The following MYO5B variants were observed in gnomAD, a reference collection of about 807,000 sequenced individuals.
MYO5B encodes myosin VB.
Under a neutral mutation model 229.3 loss-of-function variants are expected in MYO5B, and 143 were observed. That is an observed-to-expected ratio of 0.62 (90% CI 0.54 to 0.72). MYO5B has a LOEUF of 0.72. Among genes scored for constraint, MYO5B ranks in the 30% least tolerant of loss-of-function variants. The pLI, the probability that MYO5B is intolerant of heterozygous loss-of-function variation, is 0.00. For missense variants in MYO5B, 2,321 were observed against 2,331.0 expected, an observed-to-expected ratio of 1.00 and a Z score of 0.09; for synonymous variants, 918 against 885.2, an observed-to-expected ratio of 1.04 and a Z score of -0.66.
At chr18:50,036,164 A>T (rs1428399281) in intron 4 of MYO5B, among the ~76,000 whole-genome samples, 1 of 152,244 alleles carries the variant, frequency 6.6e-6, no homozygotes, top group Non-Finnish European at 1.5e-5. Context: ...GCATTTTAGC[A>T]TTAACTGAGA....
intron 9 of MYO5B, 52 bp from the exon 10 acceptor site, chr18:49,974,667 C>T (rs111873307): frequency 2.6e-5 from 41 of 1,585,436 alleles, no homozygotes; most frequent in Non-Finnish European, 3.5e-5. Flanking sequence ...GACAAGCCGC[C>T]CCCCACCAAT....
rs749099123 is a variant in MYO5B at position 49,856,848 on chromosome 18, G to A, written c.3987C>T (p.Leu1329=). 5 of 1,614,220 alleles carry A rather than the reference G, an allele frequency of 3.1e-6. No homozygotes were observed. Among genetic ancestry groups the A allele is most frequent in the African/African-American group, 2.7e-5 (2 of 75,068 alleles). ...GCTTTAGGCCTTGGTAGGCCAAGCC[G>A]AGTTCTCCATCTTCATTTAAATATC... ...DWGYLNEDGE[L]GLAYQGLKQV... Residue 1329 remains leucine (L), a synonymous_variant, in exon 30 of 40, where the codon CTC becomes CTT. Coordinates refer to ENST00000285039, the MANE Select transcript of MYO5B (RefSeq NM_001080467.3).
At position 49,859,833 on chromosome 18, in the gene MYO5B, C is replaced by T. The variant is rs114038983; in HGVS notation, c.3945-2943G>A. Among the ~76,000 whole-genome samples, 1,088 of 152,286 alleles carry T rather than the reference C, an allele frequency of 7.1e-3. 16 individuals are homozygous for T. The highest frequency in any genetic ancestry group is 0.024 in the African/African-American group (995 of 41,548). The stretch of plus-strand genomic sequence containing the variant: ...GCTGGGCAGAAGCTAGCTCTTCCCG[C>T]CTTCTTTGCCATTCTGAGCAAGGCA... On this transcript the variant is annotated intron_variant, in intron 29 of 39. Transcript: ENST00000285039.
chr18:50,124,232 T>G (rs1030779219), intron 1 of MYO5B, among the ~76,000 whole-genome samples: 2 of 152,370 alleles, frequency 1.3e-5, no homozygotes, highest in South Asian at 2.1e-4. Context: ...TTCTGGTAAC[T>G]GAACATTTTA....
intron 9 of MYO5B, among the ~76,000 whole-genome samples, chr18:49,978,292 T>C (rs905135426): frequency 6.6e-6 from 1 of 152,154 alleles, no homozygotes; most frequent in Non-Finnish European, 1.5e-5. Context: ...GCCCAACAGA[T>C]ACAGTCCTAA....
chr18:50,137,144 G>A (rs1468007039), intron 1 of MYO5B, among the ~76,000 whole-genome samples: 2 of 152,156 alleles, frequency 1.3e-5, no homozygotes, highest in Non-Finnish European at 2.9e-5. Context: ...AAAGAACAGT[G>A]GCCACGAGGG....
intron 1 of MYO5B, among the ~76,000 whole-genome samples, chr18:50,148,464 T>C (rs8092932): frequency 0.98 from 148,297 of 151,514 alleles, 72,664 homozygotes; most frequent in East Asian, 1. Flanking sequence ...AATCCAGCAG[T>C]ACATTAAAAA....
intron 30 of MYO5B, among the ~76,000 whole-genome samples, chr18:49,854,638 CCA>C (rs2024239517): frequency 6.6e-6 from 1 of 152,162 alleles, no homozygotes; most frequent in Non-Finnish European, 1.5e-5. Flanking sequence ...AAAATCCACC[CCA>C]GTGTCTTCCA....
At chr18:49,895,418 C>A (rs1211880815) in intron 21 of MYO5B, among the ~76,000 whole-genome samples, 2 of 152,172 alleles carry the variant, frequency 1.3e-5, no homozygotes, top group East Asian at 3.9e-4. Flanking sequence ...AAGGAGCTTT[C>A]GTGAGCATGT....
chr18:49,961,931 A>G (rs1023185777), intron 12 of MYO5B, among the ~76,000 whole-genome samples: 36 of 152,312 alleles, frequency 2.4e-4, no homozygotes, highest in African/African-American at 7.5e-4. Context: ...TTCACTCTCT[A>G]GGGATGCCCA....
chr18:49,888,839 A>G (rs1358846342), intron 22 of MYO5B, among the ~76,000 whole-genome samples: 2 of 152,220 alleles, frequency 1.3e-5, no homozygotes, highest in African/African-American at 4.8e-5. Context: ...CTCTCCTGGG[A>G]AACATTCCTG....
At chr18:49,849,424 T>C (rs962299412) in intron 32 of MYO5B, 143 bp downstream of exon 32, 10 of 770,422 alleles carry the variant, frequency 1.3e-5, no homozygotes, top group African/African-American at 1.2e-4. Flanking sequence ...ATCCAACTTC[T>C]ATCGCCTGGC....
At chr18:50,105,255 T>TAAAAAAC (rs2031736941) in intron 1 of MYO5B, among the ~76,000 whole-genome samples, 1 of 137,500 alleles carries the variant, frequency 7.3e-6, no homozygotes, top group Non-Finnish European at 1.6e-5. Flanking sequence ...AAATAAAAAA[T>TAAAAAAC]AGATAAAATA....
chr18:49,985,340 T>C (rs1441170809), intron 7 of MYO5B, among the ~76,000 whole-genome samples: 1 of 152,228 alleles, frequency 6.6e-6, no homozygotes, highest in East Asian at 1.9e-4. Flanking sequence ...TGCAGGTTGA[T>C]ACCCTTACAT....
chr18:49,856,933 GAA>G, intron 29 of MYO5B, 43 bp from the exon 30 acceptor site: 1 of 1,522,406 alleles, frequency 6.6e-7, no homozygotes, highest in Non-Finnish European at 9.1e-7. Context: ...AGTGTAGACG[GAA>G]GAGACAGGCA....
At position 49,936,228 on chromosome 18, in the gene MYO5B, GGC is replaced by G. The variant is rs753544058; in HGVS notation, c.2003+22_2003+23del. On this transcript the variant is annotated intron_variant, in intron 16 of 39. Coordinates refer to ENST00000285039, the MANE Select transcript of MYO5B (RefSeq NM_001080467.3). ...TGAACCTCTAAGGCTGGGCTGGACA[GGC>G]TAATGCCCAGCAGGCACTTACTGAA... The G allele has an allele frequency of 4.4e-5, 69 of 1,554,128 alleles. 1 individual carries two copies. The South Asian group carries it at 7.8e-4, about 18-fold the overall frequency.
At position 50,128,784 on chromosome 18, in the gene MYO5B, G is replaced by A. The variant is rs79851501; in HGVS notation, c.27+65983C>T. On this transcript the variant is annotated intron_variant, in intron 1 of 39. Transcript: ENST00000285039. Reference sequence around the variant, plus strand: ...CTCAGTTTCCCTCCCTGTGACATGCGTACCAGAAGGAATGTGAGGATAAAA... The same window carrying A: ...CTCAGTTTCCCTCCCTGTGACATGCATACCAGAAGGAATGTGAGGATAAAA... Among the ~76,000 whole-genome samples, 381 of 152,272 alleles carry A rather than the reference G, an allele frequency of 2.5e-3. 1 individual carries two copies. The highest frequency in any genetic ancestry group is 8.7e-3 in the African/African-American group (361 of 41,546).
chr18:50,063,204 T>A lies in MYO5B; in HGVS notation c.28-7826A>T, dbSNP rs550291728. On this transcript the variant is annotated intron_variant, in intron 1 of 39. Coordinates refer to ENST00000285039, the MANE Select transcript of MYO5B (RefSeq NM_001080467.3). ...CCAGATTATTTCCCGAGTTAACTCC[T>A]CCTCCCCCAGCGGCGAGCCATGCTT... 2.9e-3 allele frequency among the ~76,000 whole-genome samples: 447 copies of A among 152,206 alleles called. 1 individual carries two copies. The highest frequency in any genetic ancestry group is 0.014 in the Middle Eastern group (4 of 294).
intron 20 of MYO5B, 40 bp from the exon 21 acceptor site, chr18:49,902,873 T>C (rs764220449): frequency 2.4e-5 from 39 of 1,594,890 alleles, no homozygotes; most frequent in Non-Finnish European, 3.3e-5. Flanking sequence ...GGGTTTGCAC[T>C]GCAGGACAGG....
Sources: allele counts gnomAD v4.1 joint callset (sites outside exome capture counted in the v4.1 genomes callset), GRCh38; gene constraint gnomAD v4.1.1; transcripts MANE v1.5; gene names NCBI Gene and HGNC (gene_info 2026-07-23, HGNC 2026-07-21).